The following SAP130 variants were observed in gnomAD, a reference collection of about 807,000 sequenced individuals.
The protein encoded by SAP130 is Sin3A associated protein 130, also known as histone deacetylase complex subunit SAP130.
In SAP130, 16 loss-of-function variants were observed where a neutral mutation model predicts 103.2. The observed-to-expected ratio is 0.16, with a 90% CI of 0.10 to 0.24. The LOEUF (loss-of-function observed/expected upper bound fraction) is 0.24. SAP130 is among the 10% of genes least tolerant of loss of function. The probability of loss-of-function intolerance (pLI) is 1.00; values close to 1 mark genes in which losing one functional copy is unlikely to be tolerated. For missense variants in SAP130, 990 were observed against 1,359.7 expected, an observed-to-expected ratio of 0.73 and a Z score of 4.28; for synonymous variants, 477 against 497.0, an observed-to-expected ratio of 0.96 and a Z score of 0.53.
rs188286878 is a variant in SAP130, at chr2:128,020,049, C to A, written c.113-2134G>T. On this transcript the variant is annotated intron_variant, in intron 2 of 20. Coordinates refer to ENST00000643581, the MANE Select transcript of SAP130 (RefSeq NM_001330301.2). ...AGAGAATTTAAATTATTTGGAGTAC[C>A]ATAAACAAAGTAATGTTGCCCCCAA... Among the ~76,000 whole-genome samples, 46 of 152,044 alleles carry A rather than the reference C, an allele frequency of 3.0e-4. No homozygotes were observed. In the East Asian group the frequency reaches 8.3e-3, roughly 27 times the overall value.
intron 15 of SAP130, among the ~76,000 whole-genome samples, chr2:127,969,524 A>G (rs937799576): frequency 1.3e-5 from 2 of 152,302 alleles, no homozygotes; most frequent in Admixed American, 6.5e-5. Context: ...TAAGACCTGT[A>G]TTAGATTGCT....
Position 128,026,260 on chromosome 2 carries a change from G to A in SAP130, c.33C>T (p.Ala11=), listed in dbSNP as rs1451979512. The stretch of plus-strand genomic sequence containing the variant: ...GGGCCTGGCTCAGCCCGGTAGAAGG[G>A]GCTCCTAACCGAGGAAACTGTTGAG... MSSQQFPRLG[A]PSTGLSQAPS... The change falls in exon 2 of 21, where the codon GCC becomes GCT. Residue 11 remains alanine (A), a synonymous_variant. Transcript: ENST00000643581. 1 of 1,614,064 alleles carries A rather than the reference G, an allele frequency of 6.2e-7. No individual in the cohort carries two copies. The highest frequency in any genetic ancestry group is 2.2e-5 in the East Asian group (1 of 44,872).
intron 2 of SAP130, 101 bp downstream of exon 2, chr2:128,026,079 AG>A: frequency 1.2e-6 from 1 of 806,212 alleles, no homozygotes; most frequent in Admixed American, 2.3e-5. Context: ...TCAAGAAACA[AG>A]AATTTACTAA....
At chr2:127,946,301 A>C (rs1347549766) in intron 18 of SAP130, among the ~76,000 whole-genome samples, 1 of 152,194 alleles carries the variant, frequency 6.6e-6, no homozygotes, top group Admixed American at 6.5e-5. Flanking sequence ...GAACTAATGA[A>C]GATATAGCCT....
chr2:127,997,601 T>C lies in SAP130; in HGVS notation c.1214-1110A>G, dbSNP rs753469191. Among the ~76,000 whole-genome samples the C allele has an allele frequency of 2.6e-5, 4 of 152,146 alleles. No homozygotes were observed. The East Asian group carries it at 5.8e-4, about 22-fold the overall frequency. Reference sequence around the variant, plus strand: ...ATCTATTGGCCAATGCAAAGAGAAGTTGGCATGATAGGGTTTTCCATCAGG... The same window carrying C: ...ATCTATTGGCCAATGCAAAGAGAAGCTGGCATGATAGGGTTTTCCATCAGG... On this transcript the variant is annotated intron_variant, in intron 10 of 20. Coordinates refer to ENST00000643581, the MANE Select transcript of SAP130 (RefSeq NM_001330301.2).
chr2:128,006,384 T>C (rs6430964), intron 7 of SAP130, among the ~76,000 whole-genome samples: 44,436 of 152,152 alleles, frequency 0.29, 7,375 homozygotes, highest in African/African-American at 0.47. Context: ...AATTAAGATA[T>C]GACTTACATT....
At chr2:128,013,894 C>T (rs1684575320) in intron 5 of SAP130, among the ~76,000 whole-genome samples, 1 of 152,084 alleles carries the variant, frequency 6.6e-6, no homozygotes, top group Admixed American at 6.6e-5. Flanking sequence ...AGTGAGGCCC[C>T]ATCTCAAAAA....
chr2:128,005,132 G>A (rs1226028921), intron 7 of SAP130, among the ~76,000 whole-genome samples: 2 of 152,212 alleles, frequency 1.3e-5, no homozygotes, highest in East Asian at 3.8e-4. Context: ...CAGTGGAAAT[G>A]ATGAGAGAAC....
chr2:127,957,367 T>A (rs911101683), intron 15 of SAP130, among the ~76,000 whole-genome samples: 1 of 152,164 alleles, frequency 6.6e-6, no homozygotes, highest in South Asian at 2.1e-4. Flanking sequence ...CTGAACTGTA[T>A]ATTTGAATAG....
Position 127,996,635 on chromosome 2 carries a change from T to A in SAP130, c.1214-144A>T. 2 of 729,588 alleles carry A rather than the reference T, an allele frequency of 2.7e-6. No individual in the cohort carries two copies. The highest frequency in any genetic ancestry group is 4.1e-6 in the Non-Finnish European group (2 of 489,082). The allele number at this position is 729,588 out of a possible 1,614,324, so 45.2% of individuals were successfully genotyped here. ...ATCAAAATAAAAAATGAAAAATAAGTACAAAGTTCAACAGAATTATTTCAA... is the reference window on the plus strand; with the variant it reads ...ATCAAAATAAAAAATGAAAAATAAGAACAAAGTTCAACAGAATTATTTCAA... On this transcript the variant is annotated intron_variant, in intron 10 of 20. Transcript: ENST00000643581. The surrounding 1 kb of genome is among the most constrained non-coding windows in gnomAD (Gnocchi z 4.3).
chr2:127,945,347 T>A (rs1679002008), intron 19 of SAP130, 109 bp downstream of exon 19: 2 of 671,266 alleles, frequency 3.0e-6, no homozygotes, highest in Non-Finnish European at 5.4e-6. Flanking sequence ...ATAACCCATG[T>A]TAGCTGGGAA....
At position 127,947,294 on chromosome 2, in the gene SAP130, CT is replaced by C. The variant is rs530149601; in HGVS notation, c.2798-1736del. On this transcript the variant is annotated intron_variant, in intron 18 of 20. Coordinates refer to ENST00000643581, the MANE Select transcript of SAP130 (RefSeq NM_001330301.2). ...GTTTTATGCCACCCAGTTCACAGTA[CT>C]TTGTTATGGCAACCCTAGGAAATTA... Among the ~76,000 whole-genome samples, 33 of 152,268 alleles carry C rather than the reference CT, an allele frequency of 2.2e-4. No individual in the cohort carries two copies. The East Asian group carries it at 6.4e-3, about 29-fold the overall frequency.
intron 2 of SAP130, among the ~76,000 whole-genome samples, chr2:128,024,714 G>GAAA (rs34945052): frequency 4.6e-5 from 6 of 129,046 alleles, no homozygotes; most frequent in Admixed American, 1.6e-4. Flanking sequence ...CTAAAAATGC[G>GAAA]AAAAAAAAAA....
chr2:127,945,431 G>A, intron 19 of SAP130, 25 bp downstream of exon 19: 1 of 1,402,498 alleles, frequency 7.1e-7, no homozygotes, highest in Non-Finnish European at 1.0e-6. Context: ...TCAGCATGAT[G>A]AACAACTGCT....
intron 14 of SAP130, among the ~76,000 whole-genome samples, chr2:127,982,534 C>T (rs570647296): frequency 1.1e-4 from 17 of 152,224 alleles, no homozygotes; most frequent in African/African-American, 3.6e-4. Context: ...ACAGTGAAGA[C>T]GGAAGAAGCC....
At chr2:128,010,199 G>A in intron 7 of SAP130, 70 bp downstream of exon 7, 1 of 1,500,208 alleles carries the variant, frequency 6.7e-7, no homozygotes, top group Non-Finnish European at 9.0e-7. Flanking sequence ...CTTAAATGAA[G>A]GAACGAAAGA....
intron 4 of SAP130, among the ~76,000 whole-genome samples, chr2:128,016,069 G>A (rs1016403395): frequency 5.9e-5 from 9 of 151,748 alleles, no homozygotes; most frequent in African/African-American, 1.7e-4. Flanking sequence ...AGTTCTTGAC[G>A]CTAAAACCAA....
At chr2:127,957,044 A>C (rs1224388396) in intron 15 of SAP130, among the ~76,000 whole-genome samples, 5 of 152,202 alleles carry the variant, frequency 3.3e-5, no homozygotes, top group Non-Finnish European at 7.3e-5. Context: ...CATGCCTATA[A>C]ATTCCCAGCA....
intron 2 of SAP130, among the ~76,000 whole-genome samples, chr2:128,020,906 G>A (rs990746079): frequency 6.6e-6 from 1 of 152,052 alleles, no homozygotes; most frequent in Non-Finnish European, 1.5e-5. Flanking sequence ...TGAGGCGGAA[G>A]AATCACTTGA....
Sources: gnomAD v4.1 joint callset for allele counts (sites outside exome capture counted in the v4.1 genomes callset) on GRCh38, gnomAD v4.1.1 for gene constraint, Gnocchi (gnomAD v3.1) non-coding constraint, MANE v1.5 for transcripts, NCBI Gene and HGNC (gene_info 2026-07-23, HGNC 2026-07-21) for gene names.